The following DSCAM variants were observed in gnomAD, a reference collection of about 807,000 sequenced individuals.
DSCAM encodes the protein cell adhesion molecule DSCAM.
In DSCAM, 47 loss-of-function variants were observed where a neutral mutation model predicts 217.7. That is an observed-to-expected ratio of 0.22 (90% confidence interval 0.17 to 0.28). The LOEUF is 0.28. Ranked by LOEUF, DSCAM falls within the 10% of genes least tolerant of loss-of-function variation. The probability of loss-of-function intolerance (pLI) is 1.00; values close to 1 mark genes in which losing one functional copy is unlikely to be tolerated. For synonymous variants in DSCAM, 1,056 were observed against 1,015.3 expected (o/e 1.04, Z -0.76); for missense variants, 2,080 against 2,618.3 (o/e 0.79, Z 4.49).
At chr21:40,332,981 A>T (rs2074392930) in intron 8 of DSCAM, among the ~76,000 whole-genome samples, 1 of 152,182 alleles carries the variant, frequency 6.6e-6, no homozygotes, top group African/African-American at 2.4e-5. Flanking sequence ...AGATAACAAT[A>T]ATTTGGTTTC....
rs999435293 is a variant in DSCAM at position 40,016,852 on chromosome 21, G to A, written c.5687-3466C>T. On this transcript the variant is annotated intron_variant, in intron 32 of 32. Coordinates refer to ENST00000400454, the MANE Select transcript of DSCAM (RefSeq NM_001389.5). The surrounding 1 kb of genome is among the most constrained non-coding windows in gnomAD (Gnocchi z 4.3). ...GACTATTCAAGAGTATAAGAGAACT[G>A]GCCTGTAATCCCCGCCCACTTTGGG... 2.0e-5 allele frequency among the ~76,000 whole-genome samples: 3 copies of A among 152,080 alleles called. No homozygotes were observed. The highest frequency in any genetic ancestry group is 7.2e-5 in the African/African-American group (3 of 41,410).
chr21:40,775,124 A>T (rs1287098844), intron 1 of DSCAM, among the ~76,000 whole-genome samples: 4 of 152,062 alleles, frequency 2.6e-5, no homozygotes. Context: ...GAAATCCCTA[A>T]AGACCAAAAA....
At position 40,078,928 on chromosome 21, in the gene DSCAM, T is replaced by G. The variant is rs368974795; in HGVS notation, c.4470A>C (p.Thr1490=). ...AGCCAATGAGGTTCAGCCTCACGCG[T>G]GTGGTGTTGATGCTGGCAAACAGCT... ...EQELFASINT[T]RVRLNLIGWN... Residue 1490 remains threonine (T), a synonymous_variant, in exon 26 of 33, where the codon ACA becomes ACC. Transcript: ENST00000400454. The G allele has an allele frequency of 3.7e-6, 6 of 1,614,070 alleles. No individual in the cohort carries two copies. Among genetic ancestry groups the G allele is most frequent in the African/African-American group, 1.3e-5 (1 of 74,946 alleles).
At chr21:40,214,909 CAT>C (rs896381064) in intron 11 of DSCAM, among the ~76,000 whole-genome samples, 22 of 152,126 alleles carry the variant, frequency 1.4e-4, no homozygotes, top group Non-Finnish European at 2.8e-4. Flanking sequence ...CACCTGTACA[CAT>C]GTTTATCACA....
intron 2 of DSCAM, among the ~76,000 whole-genome samples, chr21:40,707,085 A>G (rs1406724503): frequency 6.6e-6 from 1 of 152,234 alleles, no homozygotes. Context: ...GATAGTTAAA[A>G]CAGGAGTAAG....
chr21:40,157,130 T>C (rs1007553621), intron 16 of DSCAM, among the ~76,000 whole-genome samples: 3 of 152,194 alleles, frequency 2.0e-5, no homozygotes, highest in Non-Finnish European at 1.5e-5. Flanking sequence ...TTTTGTCATG[T>C]GAAAATTATG....
At chr21:40,057,668 C>A (rs886403340) in intron 28 of DSCAM, among the ~76,000 whole-genome samples, 4 of 152,126 alleles carry the variant, frequency 2.6e-5, no homozygotes, top group East Asian at 3.9e-4. Flanking sequence ...TGAACCACTG[C>A]GACTGGCTGG....
In DSCAM at chr21:40,145,090, G is replaced by A. The variant is rs971468142; in HGVS notation, c.3019-359C>T. ...GATGTACTGGTTGACTTGTCTAACT[G>A]GCGAGAAAGTGTCAAAATACAGATC... On this transcript the variant is annotated intron_variant, in intron 16 of 32. Coordinates refer to ENST00000400454, the MANE Select transcript of DSCAM (RefSeq NM_001389.5). Among the ~76,000 whole-genome samples the A allele has an allele frequency of 3.9e-5, 6 of 152,142 alleles. No individual in the cohort carries two copies. The South Asian group carries it at 6.2e-4, about 16-fold the overall frequency.
intron 1 of DSCAM, among the ~76,000 whole-genome samples, chr21:40,709,218 G>A (rs1270510841): frequency 6.6e-6 from 1 of 152,222 alleles, no homozygotes; most frequent in Non-Finnish European, 1.5e-5. Flanking sequence ...AAGGGAAGCT[G>A]AATGTGTGAA....
At chr21:40,033,333 C>A (rs1034862357) in intron 32 of DSCAM, among the ~76,000 whole-genome samples, 1 of 152,138 alleles carries the variant, frequency 6.6e-6, no homozygotes, top group Non-Finnish European at 1.5e-5. Flanking sequence ...ATGCGCGAGC[C>A]GAAGCAGGGC....
At chr21:40,726,265 T>C (rs755798266) in intron 1 of DSCAM, among the ~76,000 whole-genome samples, 35 of 152,214 alleles carry the variant, frequency 2.3e-4, no homozygotes, top group Non-Finnish European at 4.4e-4. Flanking sequence ...TTATTAATCC[T>C]AGGAAAAACA....
intron 3 of DSCAM, among the ~76,000 whole-genome samples, chr21:40,673,303 C>CA (rs2090298553): frequency 6.6e-6 from 1 of 151,806 alleles, no homozygotes; most frequent in African/African-American, 2.4e-5. Context: ...CCCCAAAATA[C>CA]AAAAAATGGA....
intron 3 of DSCAM, among the ~76,000 whole-genome samples, chr21:40,674,399 T>A (rs528581002): frequency 3.3e-5 from 5 of 152,194 alleles, no homozygotes; most frequent in African/African-American, 1.2e-4. Context: ...AAACATGTAA[T>A]CTGAAGTTTC....
chr21:40,686,233 C>T (rs1344994208), intron 3 of DSCAM, among the ~76,000 whole-genome samples: 1 of 149,684 alleles, frequency 6.7e-6, no homozygotes, highest in Non-Finnish European at 1.5e-5. Context: ...ACACACAGAG[C>T]TCACACACCA....
intron 1 of DSCAM, among the ~76,000 whole-genome samples, chr21:40,738,507 G>C (rs1342759949): frequency 6.6e-6 from 1 of 152,146 alleles, no homozygotes; most frequent in Non-Finnish European, 1.5e-5. Context: ...CACCCCAGTA[G>C]TGTTCATGAT....
intron 11 of DSCAM, among the ~76,000 whole-genome samples, chr21:40,261,369 G>A (rs2073447465): frequency 6.6e-6 from 1 of 152,186 alleles, no homozygotes; most frequent in Admixed American, 6.5e-5. Flanking sequence ...GGTAGGCTGA[G>A]TCAAACAGAT....
At chr21:40,133,736 G>A in intron 19 of DSCAM, 118 bp downstream of exon 19, 1 of 1,233,166 alleles carries the variant, frequency 8.1e-7, no homozygotes, top group Non-Finnish European at 1.1e-6. Flanking sequence ...TATTTTGGGA[G>A]GGCAGCAAAG....
intron 3 of DSCAM, among the ~76,000 whole-genome samples, chr21:40,534,244 G>A (rs2076477438): frequency 1.3e-5 from 2 of 152,140 alleles, no homozygotes; most frequent in Non-Finnish European, 2.9e-5. Flanking sequence ...AATCAATTCA[G>A]ATTCCTTTTG....
intron 4 of DSCAM, among the ~76,000 whole-genome samples, chr21:40,366,114 G>C (rs2074829886): frequency 6.6e-6 from 1 of 151,874 alleles, no homozygotes; most frequent in Admixed American, 6.6e-5. Flanking sequence ...AGACTATGTT[G>C]CATGTTGACC....
Sources: gnomAD v4.1 joint callset for allele counts (sites outside exome capture counted in the v4.1 genomes callset) on GRCh38, gnomAD v4.1.1 for gene constraint, Gnocchi (gnomAD v3.1) non-coding constraint, MANE v1.5 for transcripts, NCBI Gene and HGNC (gene_info 2026-07-23, HGNC 2026-07-21) for gene names.